MEIKIN: variants seen among roughly 807,000 people sequenced by gnomAD.
MEIKIN encodes the protein meiosis-specific kinetochore protein.
chr5:131,845,212 G>A (rs1749992737), intron 11 of MEIKIN, among the ~76,000 whole-genome samples: 2 of 143,268 alleles, frequency 1.4e-5, no homozygotes, highest in Admixed American at 1.4e-4. Flanking sequence ...AGAGTTTGCA[G>A]TGAGCCGAGA....
chr5:131,820,234 GTTAAT>G (rs952859167), intron 11 of MEIKIN, among the ~76,000 whole-genome samples: 3 of 151,868 alleles, frequency 2.0e-5, no homozygotes, highest in African/African-American at 7.3e-5. Flanking sequence ...ACCACGCCTG[GTTAAT>G]TTTTTTGTAT....
chr5:131,902,941 C>T (rs1751183534), intron 8 of MEIKIN, among the ~76,000 whole-genome samples: 1 of 152,006 alleles, frequency 6.6e-6, no homozygotes, highest in South Asian at 2.1e-4. Flanking sequence ...GACAAAATGG[C>T]CATTATAAGA....
intron 8 of MEIKIN, among the ~76,000 whole-genome samples, chr5:131,889,301 C>T (rs1458168928): frequency 6.6e-6 from 1 of 152,126 alleles, no homozygotes; most frequent in Non-Finnish European, 1.5e-5. Context: ...TTACCTGGGG[C>T]AGTATGGCCA....
intron 9 of MEIKIN, among the ~76,000 whole-genome samples, chr5:131,866,400 G>A (rs1416485584): frequency 2.0e-5 from 3 of 152,224 alleles, no homozygotes; most frequent in African/African-American, 2.4e-5. Context: ...CCCCCTCATG[G>A]TGTGTAAAGA....
chr5:131,842,959 G>A (rs1749943283), intron 11 of MEIKIN, among the ~76,000 whole-genome samples: 1 of 152,002 alleles, frequency 6.6e-6, no homozygotes, highest in Admixed American at 6.5e-5. Flanking sequence ...TTTCCATACA[G>A]CCTCTGAAAT....
At chr5:131,934,867 C>A (rs1184045905) in intron 4 of MEIKIN, among the ~76,000 whole-genome samples, 1 of 151,636 alleles carries the variant, frequency 6.6e-6, no homozygotes, top group Non-Finnish European at 1.5e-5. Flanking sequence ...ACCATCCTGG[C>A]CAACATGGTG....
chr5:131,851,362 T>C lies in MEIKIN; in HGVS notation c.877A>G (p.Lys293Glu), dbSNP rs1750111860. The change falls in exon 11 of 13, where the codon AAA becomes GAA. Residue 293 changes from lysine to glutamate, a missense_variant. Lys to Glu is a moderately conservative substitution (Grantham distance 56, BLOSUM62 1). Coordinates refer to ENST00000442687, the MANE Select transcript of MEIKIN (RefSeq NM_001303622.2). ...GFVIDLSSVQ[K>E]ASFEELFPNV... ...GGAAATAGTTCTTCAAAAGATGCTT[T>C]TTGCACTGAGGACAAATCAATCTAT... The C allele has an allele frequency of 5.0e-6, 2 of 397,980 alleles. No individual in the cohort carries two copies. Among genetic ancestry groups the C allele is most frequent in the Admixed American group, 4.4e-5 (1 of 22,688 alleles). The allele number at this position is 397,980 out of a possible 1,614,324, so 24.7% of individuals were successfully genotyped here. A position where few individuals can be genotyped will look rare whatever the true frequency, so the allele number is the denominator to read the frequency against.
chr5:131,886,478 A>G (rs1348077103), intron 8 of MEIKIN, among the ~76,000 whole-genome samples: 1 of 152,244 alleles, frequency 6.6e-6, no homozygotes, highest in African/African-American at 2.4e-5. Flanking sequence ...TGGAAAACCT[A>G]CACTCCAGGG....
intron 7 of MEIKIN, among the ~76,000 whole-genome samples, chr5:131,916,116 C>A (rs1305681224): frequency 6.6e-6 from 1 of 152,150 alleles, no homozygotes; most frequent in Non-Finnish European, 1.5e-5. Flanking sequence ...GCACTCAAAT[C>A]TGGTATCATT....
chr5:131,907,811 G>A (rs1751268043), intron 8 of MEIKIN, among the ~76,000 whole-genome samples: 1 of 152,202 alleles, frequency 6.6e-6, no homozygotes, highest in Admixed American at 6.5e-5. Context: ...GTCAGAGGTT[G>A]CAGTGAGCTG....
chr5:131,853,384 G>A (rs538742477), intron 10 of MEIKIN, among the ~76,000 whole-genome samples: 10 of 152,254 alleles, frequency 6.6e-5, no homozygotes, highest in African/African-American at 2.2e-4. Context: ...ATGGACCTCT[G>A]TGAGGATTGC....
chr5:131,901,735 T>A (rs1305502706), intron 8 of MEIKIN, among the ~76,000 whole-genome samples: 2 of 152,094 alleles, frequency 1.3e-5, no homozygotes, highest in Non-Finnish European at 2.9e-5. Context: ...GAGCTGAGCC[T>A]TGGCCCCCCA....
intron 9 of MEIKIN, among the ~76,000 whole-genome samples, chr5:131,875,206 C>T (rs1388866941): frequency 6.6e-6 from 1 of 152,178 alleles, no homozygotes; most frequent in Non-Finnish European, 1.5e-5. Context: ...GTCAAATTGT[C>T]CCTGTTTGCA....
At position 131,820,066 on chromosome 5, in the gene MEIKIN, C is replaced by T. The variant is rs1206422145; in HGVS notation, c.976-1203G>A. Among the ~76,000 whole-genome samples the T allele has an allele frequency of 4.7e-4, 54 of 115,642 alleles. 1 individual carries two copies. The Admixed American group carries it at 4.9e-3, about 10-fold the overall frequency. The allele number at this position is 115,642 out of a possible 152,430, so 75.9% of individuals were successfully genotyped here. On this transcript the variant is annotated intron_variant, in intron 11 of 12. Transcript: ENST00000442687. ...CTGGGATTACAGGCGTGAGCCACCG[C>T]GCCCGGCCTTTTTTTTTTTTTTTGA...
At chr5:131,834,950 C>A (rs973717910) in intron 11 of MEIKIN, among the ~76,000 whole-genome samples, 1 of 152,060 alleles carries the variant, frequency 6.6e-6, no homozygotes, top group African/African-American at 2.4e-5. Flanking sequence ...TACACTCTTG[C>A]CTATACTTTT....
intron 11 of MEIKIN, among the ~76,000 whole-genome samples, chr5:131,832,659 T>A (rs1389982458): frequency 1.3e-5 from 2 of 152,212 alleles, no homozygotes; most frequent in Non-Finnish European, 2.9e-5. Flanking sequence ...TGCCTGGGCA[T>A]CCAGGCATTT....
intron 9 of MEIKIN, among the ~76,000 whole-genome samples, chr5:131,865,051 T>G (rs1256728687): frequency 6.6e-6 from 1 of 152,186 alleles, no homozygotes; most frequent in African/African-American, 2.4e-5. Context: ...AACCTTCATT[T>G]CCAGAATTTC....
chr5:131,935,434 G>A (rs1174471078), intron 4 of MEIKIN, among the ~76,000 whole-genome samples: 1 of 152,166 alleles, frequency 6.6e-6, no homozygotes, highest in East Asian at 1.9e-4. Context: ...GAGTGGACTA[G>A]AATGAAGAAC....
intron 9 of MEIKIN, among the ~76,000 whole-genome samples, chr5:131,871,843 T>A (rs182694577): frequency 6.6e-6 from 1 of 152,176 alleles, no homozygotes; most frequent in East Asian, 1.9e-4. Context: ...GGTTCACCAA[T>A]ATCCGATGTT....
Sources: gnomAD v4.1 joint callset for allele counts (sites outside exome capture counted in the v4.1 genomes callset) on GRCh38, gnomAD v4.1.1 for gene constraint, MANE v1.5 for transcripts, NCBI Gene and HGNC (gene_info 2026-07-23, HGNC 2026-07-21) for gene names.